Variants in ROCK2 observed in about 807,000 individuals in gnomAD.
The protein encoded by ROCK2 is rho-associated protein kinase 2.
In ROCK2, 61 loss-of-function variants were observed where a neutral mutation model predicts 195.1. The observed-to-expected ratio is 0.31, with a 90% confidence interval of 0.25 to 0.39. The LOEUF (loss-of-function observed/expected upper bound fraction) is 0.39. Among genes scored for constraint, ROCK2 ranks in the 10% least tolerant of loss-of-function variants. The pLI, the probability that ROCK2 is intolerant of heterozygous loss-of-function variation, is 1.00. For missense variants in ROCK2, 1,109 were observed against 1,637.4 expected (o/e 0.68, Z 5.57); for synonymous variants, 504 against 545.5 (o/e 0.92, Z 1.06).
At chr2:11,214,701 A>AATATT in intron 16 of ROCK2, 139 bp downstream of exon 16, 1 of 836,394 alleles carries the variant, frequency 1.2e-6, no homozygotes, top group African/African-American at 1.7e-5. Flanking sequence ...AAAATTTTGT[A>AATATT]TCAGTGTATT....
upstream of ROCK2, among the ~76,000 whole-genome samples, chr2:11,344,873 CCGAG>C (rs1669249325): frequency 6.6e-6 from 1 of 150,752 alleles, no homozygotes; most frequent in African/African-American, 2.4e-5. The surrounding 1 kb of genome is among the most constrained non-coding windows in gnomAD (Gnocchi z 5.4). Flanking sequence ...GCGGTCACGG[CCGAG>C]CTCCTGCTGG....
intron 3 of ROCK2, among the ~76,000 whole-genome samples, chr2:11,253,100 G>A (rs975403989): frequency 1.3e-5 from 2 of 152,036 alleles, no homozygotes; most frequent in Admixed American, 1.3e-4. Flanking sequence ...ATTCCATCCA[G>A]TTGGTGCTCC....
Position 11,221,731 on chromosome 2 carries a change from A to G in ROCK2, c.1099+352T>C, listed in dbSNP as rs898202562. The stretch of plus-strand genomic sequence containing the variant: ...TACTATGCTTACAGCAATATTTAGC[A>G]GAGTATGGTCTCCATAAATAATTGT... On this transcript the variant is annotated intron_variant, in intron 8 of 32. Coordinates refer to ENST00000315872, the MANE Select transcript of ROCK2 (RefSeq NM_004850.5). Among the ~76,000 whole-genome samples, 3 of 152,334 alleles carry G rather than the reference A, an allele frequency of 2.0e-5. No individual in the cohort carries two copies. In the East Asian group the frequency reaches 5.8e-4, roughly 29 times the overall value.
Position 11,181,806 on chromosome 2 carries a change from G to A in ROCK2, c.*1631C>T, listed in dbSNP as rs1330149468. 1 of 151,684 alleles carries A rather than the reference G, an allele frequency of 6.6e-6. No individual in the cohort carries two copies. Among genetic ancestry groups the A allele is most frequent in the Non-Finnish European group, 1.5e-5 (1 of 67,938 alleles). The allele number at this position is 151,684 out of a possible 1,614,324, so 9.4% of individuals were successfully genotyped here. A position where few individuals can be genotyped will look rare whatever the true frequency, so the allele number is the denominator to read the frequency against. ...CCACCATCATGCCCGGCTAATTTTT[G>A]TATATTGGTAGAGACGGAGTTTCAC... On this transcript the variant is annotated 3_prime_UTR_variant, in exon 33 of 33. Transcript: ENST00000315872.
In ROCK2 at chr2:11,211,830, T is replaced by C. The variant is rs1156982814; in HGVS notation, c.2054A>G (p.Asn685Ser). 3.8e-6 allele frequency: 6 copies of C among 1,589,560 alleles called. No homozygotes were observed. Among genetic ancestry groups the C allele is most frequent in the Non-Finnish European group, 4.3e-6 (5 of 1,171,998 alleles). Residue 685 changes from asparagine (N) to serine (S), a missense_variant, in exon 18 of 33, where the codon AAC becomes AGC. Physicochemically the swap from Asn to Ser is conservative, Grantham distance 46. This residue lies in a region of ROCK2 where 542 missense variants were observed against 672.0 expected (regional missense o/e 0.81). Transcript: ENST00000315872. ...TTGGTATGTCATATCTATTTCCATG[T>C]TGCTTTTTTCCTATTAAATATTTAA... The part of the protein sequence containing the change: ...RFTDLEKEKS[N>S]MEIDMTYQLK...
chr2:11,316,738 T>C (rs1668204968), intron 1 of ROCK2, among the ~76,000 whole-genome samples: 2 of 152,186 alleles, frequency 1.3e-5, no homozygotes, highest in Non-Finnish European at 2.9e-5. Context: ...TTTAAGTAAT[T>C]ATTGACATGC....
intron 4 of ROCK2, among the ~76,000 whole-genome samples, chr2:11,248,214 T>TG (rs201001496): frequency 0.07 from 6,222 of 88,582 alleles, 212 homozygotes; most frequent in Non-Finnish European, 0.083. Flanking sequence ...GGGTTTTTTT[T>TG]GGGGGGGGAT....
chr2:11,338,348 A>C (rs1244547118), intron 1 of ROCK2, among the ~76,000 whole-genome samples: 1 of 152,212 alleles, frequency 6.6e-6, no homozygotes, highest in Non-Finnish European at 1.5e-5. Context: ...TCTTGTCTCC[A>C]TATTTTAAAA....
At chr2:11,327,493 C>T (rs1445322714) in intron 1 of ROCK2, among the ~76,000 whole-genome samples, 3 of 152,136 alleles carry the variant, frequency 2.0e-5, no homozygotes, top group African/African-American at 4.8e-5. Flanking sequence ...AAATTCACCA[C>T]GAATGGTGGC....
At chr2:11,227,199 G>T in intron 6 of ROCK2, 55 bp downstream of exon 6, 1 of 1,462,976 alleles carries the variant, frequency 6.8e-7, no homozygotes, top group South Asian at 1.3e-5. Flanking sequence ...ATTCTTGACT[G>T]AAATAAAGTA....
intron 3 of ROCK2, among the ~76,000 whole-genome samples, chr2:11,275,127 G>A (rs1281919956): frequency 4.0e-5 from 6 of 151,880 alleles, no homozygotes; most frequent in Non-Finnish European, 8.8e-5. Flanking sequence ...CGTGGCGGCA[G>A]GCACCTGTAA....
rs1285048123 is a variant in ROCK2 at position 11,211,766 on chromosome 2, A to C, written c.2118T>G (p.Ala706=). The change falls in exon 18 of 33, where the codon GCT becomes GCG. Residue 706 remains alanine, a synonymous_variant. Transcript: ENST00000315872. ...GTCGTGCCTTTGTGGCCTTATGTTC[A>C]GCTTCTTCTTGTTCTAGGCTCTGCT... ...VIQQSLEQEE[A]EHKATKARLA... The C allele has an allele frequency of 1.2e-6, 2 of 1,613,638 alleles. No homozygotes were observed. The highest frequency in any genetic ancestry group is 3.3e-5 in the Admixed American group (2 of 59,992).
intron 3 of ROCK2, among the ~76,000 whole-genome samples, chr2:11,272,019 CAAAAAA>C (rs34999311): frequency 9.7e-5 from 11 of 113,774 alleles, no homozygotes; most frequent in African/African-American, 4.1e-4. Flanking sequence ...GACTCCATCT[CAAAAAA>C]AAAAAAAAAA....
At chr2:11,195,059 A>G in intron 27 of ROCK2, 34 bp from the exon 28 acceptor site, 1 of 1,196,352 alleles carries the variant, frequency 8.4e-7, no homozygotes, top group Non-Finnish European at 1.2e-6. Flanking sequence ...GGCTAAAGAT[A>G]ACAATTCTCC....
At chr2:11,236,089 T>A in intron 4 of ROCK2, 127 bp from the exon 5 acceptor site, 1 of 851,964 alleles carries the variant, frequency 1.2e-6, no homozygotes, top group Non-Finnish European at 1.7e-6. Flanking sequence ...AAACTAAAAT[T>A]TATGAGATCT....
chr2:11,319,465 T>G lies in ROCK2; in HGVS notation c.141+24531A>C, dbSNP rs1668333875. Among the ~76,000 whole-genome samples, 4 of 152,306 alleles carry G rather than the reference T, an allele frequency of 2.6e-5. No homozygotes were observed. In the South Asian group the frequency reaches 8.3e-4, roughly 32 times the overall value. On this transcript the variant is annotated intron_variant, in intron 1 of 32. Transcript: ENST00000315872. ...ACATTGATTTTGTATCCTGAGACTT[T>G]GCTGAAGTTGCTTATCAGCTTAAGG...
intron 1 of ROCK2, among the ~76,000 whole-genome samples, chr2:11,341,060 A>G (rs1032719410): frequency 1.2e-4 from 17 of 139,286 alleles, no homozygotes; most frequent in African/African-American, 4.1e-4. Context: ...CTACAAAAGC[A>G]TATTACTGAA....
intron 1 of ROCK2, among the ~76,000 whole-genome samples, chr2:11,324,046 T>C (rs1668475023): frequency 6.6e-6 from 1 of 152,198 alleles, no homozygotes; most frequent in Admixed American, 6.5e-5. Context: ...GCTGGTTCCT[T>C]ACTCTTGCCT....
chr2:11,337,923 A>C (rs1056219720), intron 1 of ROCK2, among the ~76,000 whole-genome samples: 1 of 152,092 alleles, frequency 6.6e-6, no homozygotes, highest in Non-Finnish European at 1.5e-5. Context: ...GATTACAGGC[A>C]TGAGCCACCA....
Sources: gnomAD v4.1 joint callset for allele counts (sites outside exome capture counted in the v4.1 genomes callset) on GRCh38, gnomAD v4.1.1 for gene constraint, gnomAD v4.1.1 regional missense constraint, Gnocchi (gnomAD v3.1) non-coding constraint, MANE v1.5 for transcripts, NCBI Gene and HGNC (gene_info 2026-07-23, HGNC 2026-07-21) for gene names.